Variants in FARP2 observed in about 807,000 individuals in gnomAD.
FARP2 encodes FERM, ARH/RhoGEF and pleckstrin domain protein 2, also known as FERM, ARHGEF and pleckstrin domain-containing protein 2.
FARP2 carries 111 observed loss-of-function variants against 130.5 expected under a neutral mutation model. The observed-to-expected ratio is 0.85, with a 90% CI of 0.73 to 1.00. The LOEUF (loss-of-function observed/expected upper bound fraction) is 1.00. Among genes scored for constraint, FARP2 ranks in the 50% least tolerant of loss-of-function variants. FARP2 has a pLI of 0.00. For missense variants in FARP2, 1,385 were observed against 1,346.3 expected (o/e 1.03, Z -0.45); for synonymous variants, 504 against 516.9 (o/e 0.98, Z 0.34).
intron 19 of FARP2, among the ~76,000 whole-genome samples, chr2:241,480,193 A>G (rs1476653189): frequency 6.6e-6 from 1 of 152,242 alleles, no homozygotes; most frequent in Non-Finnish European, 1.5e-5. Flanking sequence ...TGTGCAGGTC[A>G]GAGGCTCTGA....
At chr2:241,464,043 G>A (rs2064100169) in intron 17 of FARP2, 63 bp downstream of exon 17, 18 of 1,379,808 alleles carry the variant, frequency 1.3e-5, no homozygotes, top group Admixed American at 1.8e-5. Context: ...CCATCTTCCC[G>A]AAGCTGAGGC....
In FARP2 at chr2:241,406,145, T is replaced by TACA. The variant is rs1308396227; in HGVS notation, c.331+1305_331+1306insCAA. 1.5e-4 allele frequency among the ~76,000 whole-genome samples: 23 copies of TACA among 150,868 alleles called. No homozygotes were observed. In the East Asian group the frequency reaches 3.4e-3, roughly 22 times the overall value. ...GGTGAAACTCCGCCTCTACTAAAAA[T>TACA]ATAAATTAGCCGGGTGTAGGGGCAT... is the stretch of plus-strand genomic sequence containing the variant. On this transcript the variant is annotated intron_variant, in intron 4 of 26. Coordinates refer to ENST00000264042, the MANE Select transcript of FARP2 (RefSeq NM_014808.4).
chr2:241,398,251 A>G (rs2062079055), intron 2 of FARP2, among the ~76,000 whole-genome samples: 1 of 152,152 alleles, frequency 6.6e-6, no homozygotes, highest in African/African-American at 2.4e-5. Flanking sequence ...CACCCAGAGA[A>G]TGGAGTAGAA....
At chr2:241,444,244 G>A (rs1219347363) in intron 13 of FARP2, 1 of 152,268 alleles carries the variant, frequency 6.6e-6, no homozygotes, top group Admixed American at 6.5e-5. Context: ...ACAGACAGAA[G>A]CGCAGCAGTG....
intron 13 of FARP2, among the ~76,000 whole-genome samples, chr2:241,447,743 C>T (rs1275200584): frequency 2.0e-5 from 3 of 152,136 alleles, no homozygotes; most frequent in Non-Finnish European, 4.4e-5. Context: ...CTGCTGCCTC[C>T]GTGGAATGTC....
intron 7 of FARP2, 118 bp downstream of exon 7, chr2:241,413,539 C>T (rs1422618339): frequency 2.7e-6 from 2 of 737,872 alleles, no homozygotes; most frequent in Non-Finnish European, 2.2e-6. Context: ...GACCATTGCT[C>T]CTGGCCTCAG....
chr2:241,412,050 A>G (rs890458337), intron 6 of FARP2, among the ~76,000 whole-genome samples: 3 of 152,208 alleles, frequency 2.0e-5, no homozygotes, highest in African/African-American at 7.2e-5. Flanking sequence ...CAGTTGGTAA[A>G]ATATGACTAG....
rs56306612 is a variant in FARP2, at chr2:241,474,801, TAATA to T, written c.2132-1021_2132-1018del. 2.8e-3 allele frequency among the ~76,000 whole-genome samples: 387 copies of T among 140,324 alleles called. 1 individual carries two copies. The highest frequency in any genetic ancestry group is 4.1e-3 in the Admixed American group (56 of 13,762). The allele number at this position is 140,324 out of a possible 152,430, so 92.1% of individuals were successfully genotyped here. ...AGTGAGACCCTGTCTCTAATAATAA[TAATA>T]AATAAATAAATAAATAAATAAATAA... On this transcript the variant is annotated intron_variant, in intron 18 of 26. Coordinates refer to ENST00000264042, the MANE Select transcript of FARP2 (RefSeq NM_014808.4).
chr2:241,411,201 A>G (rs868688798), intron 6 of FARP2, 71 bp downstream of exon 6: 3 of 1,036,568 alleles, frequency 2.9e-6, no homozygotes, highest in Middle Eastern at 5.0e-4. Context: ...CAGAACTACA[A>G]TTAGTTGCTG....
chr2:241,457,279 T>TTC (rs2063875289), intron 14 of FARP2, among the ~76,000 whole-genome samples: 1 of 149,310 alleles, frequency 6.7e-6, no homozygotes, highest in East Asian at 1.9e-4. Flanking sequence ...CTCCCTCCCG[T>TTC]CCTCCCTCCT....
chr2:241,435,585 C>A (rs2063206401), intron 11 of FARP2, among the ~76,000 whole-genome samples: 1 of 148,892 alleles, frequency 6.7e-6, no homozygotes, highest in South Asian at 2.1e-4. Context: ...GATCTCGGCT[C>A]ACTGCAAGCT....
intron 5 of FARP2, among the ~76,000 whole-genome samples, chr2:241,409,163 A>G (rs934740684): frequency 2.6e-5 from 4 of 152,082 alleles, no homozygotes; most frequent in African/African-American, 9.7e-5. Flanking sequence ...ACTCAGTATT[A>G]TAGTTACTCC....
intron 7 of FARP2, among the ~76,000 whole-genome samples, chr2:241,414,456 G>A (rs998505379): frequency 7.9e-5 from 12 of 152,296 alleles, no homozygotes; most frequent in African/African-American, 2.6e-4. Flanking sequence ...CATGTGTGTC[G>A]TTAAGGCTCT....
intron 13 of FARP2, among the ~76,000 whole-genome samples, chr2:241,453,202 C>T (rs948075102): frequency 6.6e-6 from 1 of 150,536 alleles, no homozygotes; most frequent in Admixed American, 6.6e-5. Context: ...TGGTGGCGTG[C>T]ATCTCTAGTC....
chr2:241,430,183 G>A (rs915874064), intron 8 of FARP2, among the ~76,000 whole-genome samples: 1 of 152,078 alleles, frequency 6.6e-6, no homozygotes, highest in Non-Finnish European at 1.5e-5. Context: ...CCCACATTTG[G>A]CCCAAGGGAG....
chr2:241,414,629 G>A (rs534559199), intron 7 of FARP2, among the ~76,000 whole-genome samples: 1 of 152,136 alleles, frequency 6.6e-6, no homozygotes, highest in South Asian at 2.1e-4. Context: ...TGGATTTCGT[G>A]CACCTCACCA....
intron 13 of FARP2, chr2:241,445,584 T>C (rs1461994111): frequency 2.0e-5 from 3 of 152,260 alleles, no homozygotes. Context: ...TTGTTTCTGC[T>C]TTGTGCTTTG....
intron 2 of FARP2, among the ~76,000 whole-genome samples, chr2:241,388,094 A>G (rs1415920160): frequency 6.6e-6 from 1 of 152,218 alleles, no homozygotes; most frequent in East Asian, 1.9e-4. Context: ...ATAGAAATGC[A>G]AGGGATAGCC....
intron 1 of FARP2, among the ~76,000 whole-genome samples, chr2:241,371,001 T>C (rs538635656): frequency 6.6e-6 from 1 of 152,172 alleles, no homozygotes; most frequent in Non-Finnish European, 1.5e-5. Context: ...TTGCACTGCC[T>C]TGTTGTTTTG....
Sources: gnomAD v4.1 joint callset for allele counts (sites outside exome capture counted in the v4.1 genomes callset) on GRCh38, gnomAD v4.1.1 for gene constraint, MANE v1.5 for transcripts, NCBI Gene and HGNC (gene_info 2026-07-23, HGNC 2026-07-21) for gene names.